Variants in LRRN3 observed in about 807,000 individuals in gnomAD.
LRRN3 encodes leucine rich repeat neuronal 3, also known as leucine-rich repeat neuronal protein 3.
A neutral mutation model predicts 40.1 loss-of-function variants in LRRN3; 15 were observed. That is an observed-to-expected ratio of 0.37 (90% CI 0.25 to 0.58). LRRN3 has a LOEUF of 0.58. Ranked by LOEUF, LRRN3 falls within the 20% of genes least tolerant of loss-of-function variation. The pLI is 0.72. For synonymous variants in LRRN3, 308 were observed against 297.2 expected, an observed-to-expected ratio of 1.04 and a Z score of -0.37; for missense variants, 746 against 837.7, an observed-to-expected ratio of 0.89 and a Z score of 1.35.
chr7:111,124,960 T>A lies in LRRN3; in HGVS notation c.*61T>A, dbSNP rs1586448918. On this transcript the variant is annotated 3_prime_UTR_variant, in exon 3 of 3. Coordinates refer to ENST00000308478, the MANE Select transcript of LRRN3 (RefSeq NM_001099658.2). ...AAAAAAAAAAAGCGAAAGACTGCAG[T>A]TGTGCTAAAAACAAAACAAAACAAA... The A allele has an allele frequency of 8.6e-7, 1 of 1,157,454 alleles. No individual in the cohort carries two copies. Among genetic ancestry groups the A allele is most frequent in the Non-Finnish European group, 1.2e-6 (1 of 826,316 alleles). 71.7% of individuals were successfully genotyped at this position (1,157,454 alleles called of 1,614,324 possible). A position where few individuals can be genotyped will look rare whatever the true frequency, so the allele number is the denominator to read the frequency against.
chr7:111,124,458 T>C lies in LRRN3; in HGVS notation c.1686T>C (p.Asn562=), dbSNP rs373858725. The change falls in exon 3 of 3, where the codon AAT becomes AAC. Residue 562 remains asparagine (N), a synonymous_variant. Transcript: ENST00000308478. ...VKWTAFVKTE[N]SHAAQSARIP... ...GGACAGCCTTTGTCAAGACTGAAAA[T>C]TCTCATGCTGCGCAAAGTGCTCGAA... 1.9e-6 allele frequency: 3 copies of C among 1,613,778 alleles called. No individual in the cohort carries two copies. The African/African-American group carries it at 4.0e-5, about 22-fold the overall frequency.
At chr7:111,113,632 A>T (rs774739061) in intron 2 of LRRN3, among the ~76,000 whole-genome samples, 9 of 152,210 alleles carry the variant, frequency 5.9e-5, no homozygotes, top group African/African-American at 7.2e-5. Context: ...AAAATGACTT[A>T]AAAATTGTTT....
At chr7:111,110,141 TAA>T (rs1799033980) in intron 2 of LRRN3, among the ~76,000 whole-genome samples, 1 of 152,026 alleles carries the variant, frequency 6.6e-6, no homozygotes, top group African/African-American at 2.4e-5. Context: ...TCTCAAAAAA[TAA>T]AGTCTTTAGG....
At chr7:111,094,677 T>C (rs1309529268) in intron 1 of LRRN3, among the ~76,000 whole-genome samples, 1 of 152,190 alleles carries the variant, frequency 6.6e-6, no homozygotes, top group Non-Finnish European at 1.5e-5. Context: ...ACATAGCTCC[T>C]GCACAGAGCT....
chr7:111,103,297 T>C (rs1173373347), intron 2 of LRRN3, among the ~76,000 whole-genome samples: 1 of 151,638 alleles, frequency 6.6e-6, no homozygotes, highest in Non-Finnish European at 1.5e-5. Context: ...CATACACGTA[T>C]ACATTTACAC....
rs1383521672 is a variant in LRRN3, at chr7:111,125,386, T to C, written c.*487T>C. ...TGTGGACCTCTTTTATAAGGAAAAA[T>C]ACATTTTGGATTAAAATCAATTGCT... On this transcript the variant is annotated 3_prime_UTR_variant, in exon 3 of 3. Coordinates refer to ENST00000308478, the MANE Select transcript of LRRN3 (RefSeq NM_001099658.2). 1 of 167,232 alleles carries C rather than the reference T, an allele frequency of 6.0e-6. No homozygotes were observed. The highest frequency in any genetic ancestry group is 1.5e-5 in the Non-Finnish European group (1 of 68,248). The allele number at this position is 167,232 out of a possible 1,614,324, so 10.4% of individuals were successfully genotyped here.
At chr7:111,117,221 T>A (rs1799988521) in intron 2 of LRRN3, among the ~76,000 whole-genome samples, 1 of 152,088 alleles carries the variant, frequency 6.6e-6, no homozygotes, top group Admixed American at 6.6e-5. Flanking sequence ...GATAAGTGAG[T>A]TTACACACAT....
intron 2 of LRRN3, among the ~76,000 whole-genome samples, chr7:111,112,345 C>G (rs1799335195): frequency 6.6e-6 from 1 of 152,158 alleles, no homozygotes; most frequent in Admixed American, 6.5e-5. Context: ...ACTGACCTAG[C>G]ATACATCAAG....
rs761438479 is a variant in LRRN3 at position 111,124,470 on chromosome 7, G to A, written c.1698G>A (p.Ala566=). 2.5e-5 allele frequency: 40 copies of A among 1,613,692 alleles called. No individual in the cohort carries two copies. The highest frequency in any genetic ancestry group is 1.2e-4 in the Admixed American group (7 of 59,900). Residue 566 remains alanine, a synonymous_variant, in exon 3 of 3, where the codon GCG becomes GCA. Transcript: ENST00000308478. ...TCAAGACTGAAAATTCTCATGCTGC[G>A]CAAAGTGCTCGAATACCATCTGATG... ...AFVKTENSHA[A]QSARIPSDVK...
chr7:111,106,853 T>C (rs1310703038), intron 2 of LRRN3, among the ~76,000 whole-genome samples: 1 of 151,502 alleles, frequency 6.6e-6, no homozygotes. Context: ...AATTTAAAAA[T>C]AATTGGAGAA....
At chr7:111,106,956 A>G (rs1396480380) in intron 2 of LRRN3, among the ~76,000 whole-genome samples, 1 of 151,974 alleles carries the variant, frequency 6.6e-6, no homozygotes, top group East Asian at 1.9e-4. Context: ...TATGTTATGC[A>G]TGTATTCAAT....
In LRRN3 at chr7:111,091,222, T is replaced by A. The variant is rs1330594152; in HGVS notation, c.-723T>A. 1.3e-5 allele frequency: 2 copies of A among 152,086 alleles called. No homozygotes were observed. Among genetic ancestry groups the A allele is most frequent in the Non-Finnish European group, 2.9e-5 (2 of 68,032 alleles). 9.4% of individuals were successfully genotyped at this position (152,086 alleles called of 1,614,324 possible). A position where few individuals can be genotyped will look rare whatever the true frequency, so the allele number is the denominator to read the frequency against. On this transcript the variant is annotated 5_prime_UTR_variant, in exon 1 of 3. The change creates a new upstream start codon in the 5' untranslated region. Transcript: ENST00000308478. ...GCTCACAGGATCTCTCTTCACTGGATTGAGAGCCTCAGCCTGCCGACTGAG... is the reference window on the plus strand; with the variant it reads ...GCTCACAGGATCTCTCTTCACTGGAATGAGAGCCTCAGCCTGCCGACTGAG...
Position 111,124,928 on chromosome 7 carries a change from T to TAAA in LRRN3, c.*29_*30insAAA. Reference sequence around the variant, plus strand: ...CCACCAAGGAAACCTACTCCAAAAATGAACAAAAAAAAAAAAAGCGAAAGA... The same window carrying TAAA: ...CCACCAAGGAAACCTACTCCAAAAATAAAGAACAAAAAAAAAAAAAGCGAAAGA... On this transcript the variant is annotated 3_prime_UTR_variant, in exon 3 of 3. Transcript: ENST00000308478. 8.3e-7 allele frequency: 1 copy of TAAA among 1,198,640 alleles called. No individual in the cohort carries two copies. The highest frequency in any genetic ancestry group is 2.9e-5 in the South Asian group (1 of 34,534). The allele number at this position is 1,198,640 out of a possible 1,614,324, so 74.3% of individuals were successfully genotyped here. A position where few individuals can be genotyped will look rare whatever the true frequency, so the allele number is the denominator to read the frequency against.
At chr7:111,107,216 C>T (rs955475455) in intron 2 of LRRN3, among the ~76,000 whole-genome samples, 2 of 151,900 alleles carry the variant, frequency 1.3e-5, no homozygotes, top group East Asian at 1.9e-4. Flanking sequence ...TCTCTTTCCT[C>T]TCCCATTTTT....
chr7:111,119,730 G>A (rs1443977416), intron 2 of LRRN3, among the ~76,000 whole-genome samples: 3 of 152,104 alleles, frequency 2.0e-5, no homozygotes, highest in Non-Finnish European at 4.4e-5. Context: ...AACATTTCTT[G>A]AGCACATACT....
intron 1 of LRRN3, among the ~76,000 whole-genome samples, chr7:111,094,299 T>C (rs1341465156): frequency 6.6e-6 from 1 of 152,048 alleles, no homozygotes; most frequent in East Asian, 1.9e-4. Flanking sequence ...CCCCTGAAAA[T>C]GGGCAGAGGT....
chr7:111,112,068 C>T (rs1049116886), intron 2 of LRRN3, among the ~76,000 whole-genome samples: 3 of 150,854 alleles, frequency 2.0e-5, no homozygotes, highest in Non-Finnish European at 4.4e-5. Flanking sequence ...CTGTCTCAGC[C>T]TCCCGAGTAG....
intron 1 of LRRN3, among the ~76,000 whole-genome samples, chr7:111,096,179 T>C (rs2129578795): frequency 6.6e-6 from 1 of 151,986 alleles, no homozygotes; most frequent in Middle Eastern, 3.4e-3. Flanking sequence ...CACAACAATC[T>C]GGTGAAGTAG....
At chr7:111,109,519 G>A (rs528066746) in intron 2 of LRRN3, among the ~76,000 whole-genome samples, 12 of 152,126 alleles carry the variant, frequency 7.9e-5, no homozygotes, top group Non-Finnish European at 1.5e-4. Flanking sequence ...ATATATCTGC[G>A]ACACAAAGCT....
Sources: gnomAD v4.1 joint callset for allele counts (sites outside exome capture counted in the v4.1 genomes callset) on GRCh38, gnomAD v4.1.1 for gene constraint, MANE v1.5 for transcripts, NCBI Gene and HGNC (gene_info 2026-07-23, HGNC 2026-07-21) for gene names.